Variants in CCNY observed in about 807,000 individuals in gnomAD.
CCNY encodes the protein cyclin-Y.
CCNY carries 19 observed loss-of-function variants against 42.8 expected under a neutral mutation model. The observed-to-expected ratio is 0.44, with a 90% CI of 0.31 to 0.65. The LOEUF is 0.65. Ranked by LOEUF, CCNY falls within the 30% of genes least tolerant of loss-of-function variation. The pLI is 0.07. For missense variants in CCNY, 370 were observed against 437.3 expected (o/e 0.85, Z 1.37); for synonymous variants, 165 against 162.7 (o/e 1.01, Z -0.11).
intron 7 of CCNY, among the ~76,000 whole-genome samples, chr10:35,548,851 G>A (rs750601828): frequency 1.7e-4 from 26 of 152,062 alleles, no homozygotes; most frequent in Non-Finnish European, 2.2e-4. Context: ...GGGGTTAACC[G>A]TACTTTCTTT....
In CCNY at chr10:35,405,499, C is replaced by T. The variant is rs370305929; in HGVS notation, c.154+68292C>T. On this transcript the variant is annotated intron_variant, in intron 1 of 9. Coordinates refer to ENST00000374704, the MANE Select transcript of CCNY (RefSeq NM_145012.6). The stretch of plus-strand genomic sequence containing the variant: ...AAAAGTCTCGACCTAATAAGGGAGC[C>T]GGGCAGGTGGGGATAACTAAAAAGG... Among the ~76,000 whole-genome samples, 306 of 152,068 alleles carry T rather than the reference C, an allele frequency of 2.0e-3. 14 individuals carry two copies. The South Asian group carries it at 0.061, about 30-fold the overall frequency.
intron 3 of CCNY, among the ~76,000 whole-genome samples, chr10:35,306,904 A>G (rs1162482038): frequency 6.6e-6 from 1 of 152,164 alleles, no homozygotes; most frequent in Non-Finnish European, 1.5e-5. Context: ...TATGTCCAGG[A>G]GCCCAGGCAT....
At position 35,571,597 on chromosome 10, in the gene CCNY, TAGGTAGATACTTG is replaced by T. The variant is rs1443570539; in HGVS notation, c.*2432_*2444del. ...CTGGCAGGATGAATCACTTGACACA[TAGGTAGATACTTG>T]AGGTTCATTTTCTTTTCTTTTTCTA... On this transcript the variant is annotated 3_prime_UTR_variant, in exon 10 of 10. Coordinates refer to ENST00000374704, the MANE Select transcript of CCNY (RefSeq NM_145012.6). The T allele has an allele frequency of 6.6e-6, 1 of 152,388 alleles. No individual in the cohort carries two copies. Among genetic ancestry groups the T allele is most frequent in the Non-Finnish European group, 1.5e-5 (1 of 68,034 alleles). 9.4% of individuals were successfully genotyped at this position (152,388 alleles called of 1,614,324 possible).
chr10:35,355,344 G>A (rs1236552841), intron 1 of CCNY, among the ~76,000 whole-genome samples: 1 of 152,096 alleles, frequency 6.6e-6, no homozygotes, highest in African/African-American at 2.4e-5. Flanking sequence ...ATTAATTTGG[G>A]TAAAAGTAAA....
At chr10:35,378,350 T>G (rs1768560642) in intron 1 of CCNY, among the ~76,000 whole-genome samples, 2 of 152,224 alleles carry the variant, frequency 1.3e-5, no homozygotes, top group African/African-American at 4.8e-5. Flanking sequence ...TTCTGACTTC[T>G]GTGTGATGAG....
At chr10:35,444,860 A>G (rs1367016608) in intron 1 of CCNY, among the ~76,000 whole-genome samples, 3 of 152,202 alleles carry the variant, frequency 2.0e-5, no homozygotes, top group Non-Finnish European at 2.9e-5. Flanking sequence ...TAGGATATTG[A>G]ATAGTCCGGG....
intron 3 of CCNY, among the ~76,000 whole-genome samples, chr10:35,275,872 C>T (rs1381650775): frequency 6.6e-6 from 1 of 152,170 alleles, no homozygotes; most frequent in African/African-American, 2.4e-5. Context: ...ACCACACGGC[C>T]CCAGCCACCG....
At chr10:35,400,570 T>G (rs1837621239) in intron 1 of CCNY, among the ~76,000 whole-genome samples, 1 of 152,204 alleles carries the variant, frequency 6.6e-6, no homozygotes, top group Non-Finnish European at 1.5e-5. Context: ...CCGACCAACC[T>G]CTTCTCTAAC....
At chr10:35,534,518 G>T (rs1840839737) in intron 7 of CCNY, among the ~76,000 whole-genome samples, 1 of 152,188 alleles carries the variant, frequency 6.6e-6, no homozygotes, top group Non-Finnish European at 1.5e-5. Context: ...AAGAGATCGA[G>T]GTGGCAAAGT....
intron 8 of CCNY, among the ~76,000 whole-genome samples, chr10:35,559,064 T>A (rs889556485): frequency 3.3e-5 from 5 of 152,154 alleles, no homozygotes; most frequent in Admixed American, 6.5e-5. Flanking sequence ...GCATTAAAGG[T>A]GATTCTGGTG....
chr10:35,509,282 G>A (rs1227796532), intron 3 of CCNY, among the ~76,000 whole-genome samples: 1 of 151,884 alleles, frequency 6.6e-6, no homozygotes, highest in Non-Finnish European at 1.5e-5. Context: ...TTTTTTGGGG[G>A]CTGGGGGTAG....
intron 1 of CCNY, among the ~76,000 whole-genome samples, chr10:35,423,441 A>C (rs112258445): frequency 0.028 from 4,124 of 148,804 alleles, 83 homozygotes; most frequent in Middle Eastern, 0.046. Flanking sequence ...ATACCAATGC[A>C]CTCCAGCCTG....
In CCNY at chr10:35,280,095, A is replaced by C. The variant is rs146920241; in HGVS notation, c.-9+29469A>C. Among the ~76,000 whole-genome samples the C allele has an allele frequency of 3.3e-3, 498 of 152,328 alleles. 4 individuals carry two copies. The highest frequency in any genetic ancestry group is 0.011 in the African/African-American group (477 of 41,582). On this transcript the variant is annotated intron_variant, in intron 3 of 11. Transcript: ENST00000374706. Reference sequence around the variant, plus strand: ...GTATCTATGTCCAGTTGATTTTGACAAGGGTACCAAGACCATTTGGTAAAG... The same window carrying C: ...GTATCTATGTCCAGTTGATTTTGACCAGGGTACCAAGACCATTTGGTAAAG...
At chr10:35,360,323 G>A (rs1480163086) in intron 1 of CCNY, among the ~76,000 whole-genome samples, 2 of 121,340 alleles carry the variant, frequency 1.6e-5, no homozygotes, top group Non-Finnish European at 3.2e-5. Context: ...GTCTCACTCT[G>A]TCACCCAAGC....
At chr10:35,334,393 A>C (rs1835984951), upstream of CCNY, among the ~76,000 whole-genome samples, 1 of 152,246 alleles carries the variant, frequency 6.6e-6, no homozygotes, top group Admixed American at 6.5e-5. Context: ...CAATCAGAAC[A>C]GACAACAACA....
At chr10:35,485,306 C>T (rs1839760014) in intron 2 of CCNY, among the ~76,000 whole-genome samples, 1 of 152,246 alleles carries the variant, frequency 6.6e-6, no homozygotes, top group Non-Finnish European at 1.5e-5. Context: ...CACTTGCTGT[C>T]ACCAAGAATT....
At chr10:35,483,264 A>G (rs1241369020) in intron 1 of CCNY, 140 bp from the exon 2 acceptor site, 4 of 631,802 alleles carry the variant, frequency 6.3e-6, no homozygotes, top group Middle Eastern at 4.2e-4. Context: ...AACCAAAAGA[A>G]TCTATTAACA....
At chr10:35,407,870 G>A (rs1384826862) in intron 1 of CCNY, among the ~76,000 whole-genome samples, 2 of 152,246 alleles carry the variant, frequency 1.3e-5, no homozygotes, top group South Asian at 2.1e-4. Context: ...CAAGGCAGAC[G>A]TCCCCACGGA....
intron 7 of CCNY, among the ~76,000 whole-genome samples, chr10:35,537,164 C>T (rs1840903100): frequency 6.6e-6 from 1 of 152,234 alleles, no homozygotes; most frequent in African/African-American, 2.4e-5. Flanking sequence ...GTGGAAGCCC[C>T]AAGCCTTGGC....
Sources: allele counts gnomAD v4.1 joint callset (sites outside exome capture counted in the v4.1 genomes callset), GRCh38; gene constraint gnomAD v4.1.1; transcripts MANE v1.5; gene names NCBI Gene and HGNC (gene_info 2026-07-23, HGNC 2026-07-21).